NUDT4: variants seen among roughly 807,000 people sequenced by gnomAD.
NUDT4 encodes nudix hydrolase 4, also known as diphosphoinositol polyphosphate phosphohydrolase 2.
Under a neutral mutation model 23.1 loss-of-function variants are expected in NUDT4, and 5 were observed. The observed-to-expected ratio is 0.22, with a 90% CI of 0.11 to 0.46. The LOEUF (loss-of-function observed/expected upper bound fraction) is 0.46. Among genes scored for constraint, NUDT4 ranks in the 20% least tolerant of loss-of-function variants. The pLI is 0.99. For missense variants in NUDT4, 96 were observed against 211.6 expected, an observed-to-expected ratio of 0.45 and a Z score of 3.39; for synonymous variants, 50 against 79.0, an observed-to-expected ratio of 0.63 and a Z score of 1.95.
intron 2 of NUDT4, among the ~76,000 whole-genome samples, chr12:93,394,996 G>A (rs1416512711): frequency 1.3e-5 from 2 of 151,944 alleles, no homozygotes; most frequent in South Asian, 2.1e-4. Flanking sequence ...TTACAGGCAC[G>A]TGCCACCGCG....
In NUDT4 at chr12:93,402,311, C is replaced by T. The variant is rs1877511177; in HGVS notation, c.*2932C>T. On this transcript the variant is annotated 3_prime_UTR_variant, in exon 5 of 5. Transcript: ENST00000415493. ...TAAAAAAAAAACAAAAACACACACA[C>T]ATGAACTCAGATTTGCAAACCAGGT... is the stretch of plus-strand genomic sequence containing the variant. The T allele has an allele frequency of 1.3e-5, 2 of 151,950 alleles. No individual in the cohort carries two copies. Among genetic ancestry groups the T allele is most frequent in the African/African-American group, 4.8e-5 (2 of 41,362 alleles). The allele number at this position is 151,950 out of a possible 1,614,324, so 9.4% of individuals were successfully genotyped here.
rs1565789346 is a variant in NUDT4 at position 93,404,899 on chromosome 12, T to C, written c.*5520T>C. ...GCCAACAAGTTTAAAATTTTTTTAA[T>C]GTTTTAGGTTTTTTTTTTTTTAAAA... On this transcript the variant is annotated 3_prime_UTR_variant, in exon 5 of 5. Transcript: ENST00000415493. 1 of 149,054 alleles carries C rather than the reference T, an allele frequency of 6.7e-6. No individual in the cohort carries two copies. The highest frequency in any genetic ancestry group is 1.5e-5 in the Non-Finnish European group (1 of 67,944). The allele number at this position is 149,054 out of a possible 1,614,324, so 9.2% of individuals were successfully genotyped here. A position where few individuals can be genotyped will look rare whatever the true frequency, so the allele number is the denominator to read the frequency against.
Position 93,400,846 on chromosome 12 carries a change from ATC to A in NUDT4, c.*1468_*1469del. On this transcript the variant is annotated 3_prime_UTR_variant, in exon 5 of 5. Transcript: ENST00000415493. ...CTGGTCTCAAACTCCTAACCTCGTG[ATC>A]CGCCTGCCTCGACCTCCCAAAGTGC... 6.5e-6 allele frequency: 1 copy of A among 152,750 alleles called. No homozygotes were observed. Among genetic ancestry groups the A allele is most frequent in the East Asian group, 1.9e-4 (1 of 5,214 alleles). The allele number at this position is 152,750 out of a possible 1,614,324, so 9.5% of individuals were successfully genotyped here. A position where few individuals can be genotyped will look rare whatever the true frequency, so the allele number is the denominator to read the frequency against.
At chr12:93,393,480 T>C (rs1397521913) in intron 1 of NUDT4, among the ~76,000 whole-genome samples, 2 of 152,172 alleles carry the variant, frequency 1.3e-5, no homozygotes, top group Non-Finnish European at 2.9e-5. Context: ...ATTTTAAGTT[T>C]TGAGGGCCAC....
chr12:93,389,424 ATTC>A (rs1268451586), intron 1 of NUDT4, among the ~76,000 whole-genome samples: 14 of 152,096 alleles, frequency 9.2e-5, no homozygotes, highest in African/African-American at 3.4e-4. Flanking sequence ...GTGAGCCGAG[ATTC>A]TTATATCATA....
intron 1 of NUDT4, among the ~76,000 whole-genome samples, chr12:93,385,796 G>A (rs1429144979): frequency 6.6e-6 from 1 of 151,210 alleles, no homozygotes; most frequent in Non-Finnish European, 1.5e-5. Context: ...TGCAAGAAAA[G>A]CAACCATTAT....
At chr12:93,390,630 A>G (rs1876428652) in intron 1 of NUDT4, among the ~76,000 whole-genome samples, 1 of 151,916 alleles carries the variant, frequency 6.6e-6, no homozygotes, top group South Asian at 2.1e-4. Flanking sequence ...TTTTTGAGAC[A>G]GTCTCATTCT....
At chr12:93,390,579 A>G (rs577886553) in intron 1 of NUDT4, among the ~76,000 whole-genome samples, 1 of 151,822 alleles carries the variant, frequency 6.6e-6, no homozygotes, top group Admixed American at 6.6e-5. Context: ...ATAAAGTCTC[A>G]TCTGGGTATA....
rs938815903 is a variant in NUDT4 at position 93,406,049 on chromosome 12, CGAG to C, written c.*6672_*6674del. The C allele has an allele frequency of 6.6e-6, 1 of 151,910 alleles. No individual in the cohort carries two copies. Among genetic ancestry groups the C allele is most frequent in the African/African-American group, 2.4e-5 (1 of 41,346 alleles). 9.4% of individuals were successfully genotyped at this position (151,910 alleles called of 1,614,324 possible). Reference sequence around the variant, plus strand: ...TTGGGAGGCCGAGGCGGGCAGATCACGAGGTCAGGAGATGGAGACCATCCTGGC... The same window carrying C: ...TTGGGAGGCCGAGGCGGGCAGATCACGTCAGGAGATGGAGACCATCCTGGC... On this transcript the variant is annotated 3_prime_UTR_variant, in exon 5 of 5. Coordinates refer to ENST00000415493, the MANE Select transcript of NUDT4 (RefSeq NM_019094.6).
At position 93,381,459 on chromosome 12, in the gene NUDT4, A is replaced by T. The variant is rs1208563729; in HGVS notation, c.99+3038A>T. ...AATGGATTCTGTTGAATGTATTTGC[A>T]TATATGATAGTTTAAAAGGGGATGA... On this transcript the variant is annotated intron_variant, in intron 1 of 4. Transcript: ENST00000415493. Among the ~76,000 whole-genome samples the T allele has an allele frequency of 3.3e-5, 5 of 152,374 alleles. No homozygotes were observed. The South Asian group carries it at 1.0e-3, about 32-fold the overall frequency.
chr12:93,393,005 T>G (rs1876665781), intron 1 of NUDT4, among the ~76,000 whole-genome samples: 1 of 141,902 alleles, frequency 7.0e-6, no homozygotes, highest in Non-Finnish European at 1.5e-5. Flanking sequence ...AAGATGGGTA[T>G]GTAATACCTG....
rs1235936551 is a variant in NUDT4 at position 93,405,734 on chromosome 12, TAC to T, written c.*6357_*6358del. On this transcript the variant is annotated 3_prime_UTR_variant, in exon 5 of 5. Transcript: ENST00000415493. ...ATTATTTACACTTCTCTCAAATTAT[TAC>T]ATTCAGCATGTTTTGCTTTTTATGT... The T allele has an allele frequency of 6.6e-6, 1 of 152,230 alleles. No individual in the cohort carries two copies. Among genetic ancestry groups the T allele is most frequent in the East Asian group, 1.9e-4 (1 of 5,202 alleles). The allele number at this position is 152,230 out of a possible 1,614,324, so 9.4% of individuals were successfully genotyped here.
Position 93,385,875 on chromosome 12 carries a change from G to T in NUDT4, c.99+7454G>T, listed in dbSNP as rs185279678. 1.8e-3 allele frequency among the ~76,000 whole-genome samples: 263 copies of T among 146,132 alleles called. 4 individuals carry two copies. Among genetic ancestry groups the T allele is most frequent in the African/African-American group, 6.0e-3 (237 of 39,828 alleles). On this transcript the variant is annotated intron_variant, in intron 1 of 4. Transcript: ENST00000415493. ...CCAAAAAAAAACCTTACAATAAATT[G>T]TGCTGAAATTTGATTTTAGATTTCT...
rs1875391566 is a variant in NUDT4, at chr12:93,378,641, C to A, written c.99+220C>A. The A allele has an allele frequency of 3.3e-6, 4 of 1,203,770 alleles. No homozygotes were observed. In the African/African-American group the frequency reaches 6.3e-5, roughly 19 times the overall value. 74.6% of individuals were successfully genotyped at this position (1,203,770 alleles called of 1,614,324 possible). ...AAGGGGGCTCGCCCAGCCCCAGTTTCTCCATCTGGGCACTCGAGAAGGCGC... is the reference window on the plus strand; with the variant it reads ...AAGGGGGCTCGCCCAGCCCCAGTTTATCCATCTGGGCACTCGAGAAGGCGC... On this transcript the variant is annotated intron_variant, in intron 1 of 4. Coordinates refer to ENST00000415493, the MANE Select transcript of NUDT4 (RefSeq NM_019094.6).
In NUDT4 at chr12:93,402,516, G is replaced by A. The variant is rs939203821; in HGVS notation, c.*3137G>A. ...GGAATTCCACAGTAACACCTTTACT[G>A]TTCTCCCATTGATGATCATATACGT... is the stretch of plus-strand genomic sequence containing the variant. On this transcript the variant is annotated 3_prime_UTR_variant, in exon 5 of 5. Transcript: ENST00000415493. 1 of 152,066 alleles carries A rather than the reference G, an allele frequency of 6.6e-6. No homozygotes were observed. Among genetic ancestry groups the A allele is most frequent in the Admixed American group, 6.5e-5 (1 of 15,272 alleles). The allele number at this position is 152,066 out of a possible 1,614,324, so 9.4% of individuals were successfully genotyped here.
chr12:93,396,606 G>A (rs776433999), intron 3 of NUDT4, among the ~76,000 whole-genome samples: 12 of 152,046 alleles, frequency 7.9e-5, no homozygotes, highest in African/African-American at 9.7e-5. Context: ...GACTTTTACC[G>A]GAATACAGTA....
At chr12:93,392,245 C>CG (rs1555193876) in intron 1 of NUDT4, among the ~76,000 whole-genome samples, 2 of 83,958 alleles carry the variant, frequency 2.4e-5, no homozygotes, top group South Asian at 7.8e-4. Context: ...CCTTTGTTTC[C>CG]CCCCCCCCCT....
In NUDT4 at chr12:93,407,973, A is replaced by G. The variant is rs1452469222; in HGVS notation, c.*8594A>G. The G allele has an allele frequency of 6.6e-6, 1 of 152,242 alleles. No individual in the cohort carries two copies. The highest frequency in any genetic ancestry group is 1.5e-5 in the Non-Finnish European group (1 of 68,044). 9.4% of individuals were successfully genotyped at this position (152,242 alleles called of 1,614,324 possible). A position where few individuals can be genotyped will look rare whatever the true frequency, so the allele number is the denominator to read the frequency against. ...ATTCACTGCATTTGAAATGAAAATG[A>G]CTTATTTCTGTACTTCTATAACTCA... On this transcript the variant is annotated 3_prime_UTR_variant, in exon 5 of 5. Coordinates refer to ENST00000415493, the MANE Select transcript of NUDT4 (RefSeq NM_019094.6).
Position 93,402,769 on chromosome 12 carries a change from A to G in NUDT4, c.*3390A>G, listed in dbSNP as rs952223656. Reference sequence around the variant, plus strand: ...AGCTCTTGACTTACTCTAGAATTCTAATACAGATACTTTCTGCACTAGTAT... The same window carrying G: ...AGCTCTTGACTTACTCTAGAATTCTGATACAGATACTTTCTGCACTAGTAT... On this transcript the variant is annotated 3_prime_UTR_variant, in exon 5 of 5. Coordinates refer to ENST00000415493, the MANE Select transcript of NUDT4 (RefSeq NM_019094.6). 10 of 152,168 alleles carry G rather than the reference A, an allele frequency of 6.6e-5. No homozygotes were observed. Among genetic ancestry groups the G allele is most frequent in the Admixed American group, 4.6e-4 (7 of 15,274 alleles). The allele number at this position is 152,168 out of a possible 1,614,324, so 9.4% of individuals were successfully genotyped here.
Sources: allele counts gnomAD v4.1 joint callset (sites outside exome capture counted in the v4.1 genomes callset), GRCh38; gene constraint gnomAD v4.1.1; transcripts MANE v1.5; gene names NCBI Gene and HGNC (gene_info 2026-07-23, HGNC 2026-07-21).